The following KDM4C variants were observed in gnomAD, a reference collection of about 807,000 sequenced individuals.
The protein encoded by KDM4C is lysine demethylase 4C, also known as lysine-specific demethylase 4C.
In KDM4C, 81 loss-of-function variants were observed where a neutral mutation model predicts 129.3. That is an observed-to-expected ratio of 0.63 (90% CI 0.52 to 0.75). The LOEUF is 0.75. Among genes scored for constraint, KDM4C ranks in the 30% least tolerant of loss-of-function variants. The pLI is 0.00. For synonymous variants in KDM4C, 573 were observed against 456.1 expected (o/e 1.26, Z -3.26); for missense variants, 1,457 against 1,304.0 (o/e 1.12, Z -1.81).
chr9:7,008,051 T>C (rs1335393692), intron 12 of KDM4C, among the ~76,000 whole-genome samples: 4 of 151,918 alleles, frequency 2.6e-5, no homozygotes, highest in Middle Eastern at 3.4e-3. Flanking sequence ...AGCACAGACA[T>C]GAAAAAAGAT....
chr9:6,843,716 C>T lies in KDM4C; in HGVS notation c.436-5791C>T, dbSNP rs75481768. The stretch of plus-strand genomic sequence containing the variant: ...TGCAGCATGGTGCTATTCTGATACT[C>T]GGTTACTCTTTCAGATTGAAATTCT... On this transcript the variant is annotated intron_variant, in intron 4 of 21. Coordinates refer to ENST00000381309, the MANE Select transcript of KDM4C (RefSeq NM_015061.6). 6.9e-3 allele frequency among the ~76,000 whole-genome samples: 1,053 copies of T among 152,274 alleles called. 35 individuals are homozygous for T. The East Asian group carries it at 0.12, about 17-fold the overall frequency.
intron 8 of KDM4C, chr9:6,978,631 C>G (rs1160874194): frequency 1.3e-5 from 2 of 152,238 alleles, no homozygotes; most frequent in East Asian, 3.8e-4. Flanking sequence ...TCAGTTCAGG[C>G]TGGCAGCATT....
At chr9:7,001,381 C>T (rs976949039) in intron 12 of KDM4C, among the ~76,000 whole-genome samples, 1 of 152,100 alleles carries the variant, frequency 6.6e-6, no homozygotes, top group African/African-American at 2.4e-5. Flanking sequence ...GAGGAGTAAA[C>T]TTGATAATGC....
intron 16 of KDM4C, among the ~76,000 whole-genome samples, chr9:7,047,614 G>A (rs960566057): frequency 3.3e-5 from 5 of 151,928 alleles, no homozygotes; most frequent in African/African-American, 1.2e-4. Context: ...TAACCTGGGC[G>A]GATTTTGCAG....
At chr9:6,885,512 C>G (rs912172983) in intron 6 of KDM4C, among the ~76,000 whole-genome samples, 19 of 151,690 alleles carry the variant, frequency 1.3e-4, no homozygotes, top group African/African-American at 3.9e-4. Context: ...GGAATACAAG[C>G]TTTTTATTAT....
Position 6,824,878 on chromosome 9 carries a change from T to A in KDM4C, c.435+10133T>A, listed in dbSNP as rs570804721. The stretch of plus-strand genomic sequence containing the variant: ...GAAGATTGTGGCCAGGTACGGTGGC[T>A]CACACCCATAATCCCAGCACTTGGG... On this transcript the variant is annotated intron_variant, in intron 4 of 21. Coordinates refer to ENST00000381309, the MANE Select transcript of KDM4C (RefSeq NM_015061.6). Among the ~76,000 whole-genome samples the A allele has an allele frequency of 5.9e-5, 9 of 152,156 alleles. No homozygotes were observed. The South Asian group carries it at 1.2e-3, about 21-fold the overall frequency.
chr9:6,949,020 G>A (rs902302088), intron 8 of KDM4C, among the ~76,000 whole-genome samples: 2 of 152,130 alleles, frequency 1.3e-5, no homozygotes, highest in Non-Finnish European at 2.9e-5. Context: ...ACGGGGTGGC[G>A]GCCGGGCAGA....
intron 18 of KDM4C, among the ~76,000 whole-genome samples, chr9:7,126,369 C>T (rs1410497699): frequency 6.6e-6 from 1 of 152,102 alleles, no homozygotes; most frequent in Admixed American, 6.6e-5. Flanking sequence ...GTTAGTTTTT[C>T]TAGTCTAAAA....
chr9:6,888,913 A>G lies in KDM4C; in HGVS notation c.783+850A>G, dbSNP rs1399374151. ...CGCCATTCTCCTGCCTCAGCCTCCC[A>G]AGTAGCTGGGACTACAGGCGCCCGC... On this transcript the variant is annotated intron_variant, in intron 7 of 21. Transcript: ENST00000381309. Among the ~76,000 whole-genome samples, 51 of 79,948 alleles carry G rather than the reference A, an allele frequency of 6.4e-4. 16 individuals are homozygous for G. The highest frequency in any genetic ancestry group is 9.1e-4 in the East Asian group (3 of 3,294). The allele number at this position is 79,948 out of a possible 152,430, so 52.4% of individuals were successfully genotyped here. A position where few individuals can be genotyped will look rare whatever the true frequency, so the allele number is the denominator to read the frequency against.
Position 6,830,848 on chromosome 9 carries a change from T to C in KDM4C, c.435+16103T>C, listed in dbSNP as rs957380363. On this transcript the variant is annotated intron_variant, in intron 4 of 21. Coordinates refer to ENST00000381309, the MANE Select transcript of KDM4C (RefSeq NM_015061.6). ...GAGTGTGTTAAATCTGACATTGCTTTAAGAAATAGCAGCTGTAGAGAAAAT... is the reference window on the plus strand; with the variant it reads ...GAGTGTGTTAAATCTGACATTGCTTCAAGAAATAGCAGCTGTAGAGAAAAT... Among the ~76,000 whole-genome samples the C allele has an allele frequency of 2.9e-4, 44 of 152,284 alleles. 1 individual carries two copies. The highest frequency in any genetic ancestry group is 1.0e-3 in the African/African-American group (42 of 41,544).
chr9:6,746,424 A>G (rs1433795498), intron 1 of KDM4C, among the ~76,000 whole-genome samples: 5 of 149,014 alleles, frequency 3.4e-5, no homozygotes, highest in Non-Finnish European at 5.9e-5. Flanking sequence ...GCTCGCCACA[A>G]CGCCCGGCTA....
rs1392823938 is a variant in KDM4C, at chr9:6,980,933, C to T, written c.930C>T (p.Cys310=). ...ACCCGGTTGTGTTTCAGTGCACTTG[C>T]AGGAAAGACATGGTGAAGATTTCAA... ...DYGKVAKLCT[C]RKDMVKISMD... is the part of the protein sequence containing the mutation. Residue 310 remains cysteine, a synonymous_variant, in exon 9 of 22, where the codon TGC becomes TGT. Transcript: ENST00000381309. 3 of 1,613,296 alleles carry T rather than the reference C, an allele frequency of 1.9e-6. No individual in the cohort carries two copies. The highest frequency in any genetic ancestry group is 1.3e-5 in the African/African-American group (1 of 74,816).
At chr9:6,809,313 T>G (rs1830722092) in intron 3 of KDM4C, among the ~76,000 whole-genome samples, 1 of 152,232 alleles carries the variant, frequency 6.6e-6, no homozygotes, top group South Asian at 2.1e-4. Flanking sequence ...CTTTTATAAG[T>G]GCAATGCTGT....
At chr9:6,941,061 T>C (rs1175725023) in intron 8 of KDM4C, among the ~76,000 whole-genome samples, 1 of 151,694 alleles carries the variant, frequency 6.6e-6, no homozygotes, top group African/African-American at 2.4e-5. Flanking sequence ...GAGAAAGTCT[T>C]GCCGTGTCAT....
chr9:6,945,393 G>C (rs1185662211), intron 8 of KDM4C, among the ~76,000 whole-genome samples: 2 of 152,166 alleles, frequency 1.3e-5, no homozygotes, highest in African/African-American at 4.8e-5. Flanking sequence ...CATAAATTCA[G>C]AGCAATTTGT....
In KDM4C at chr9:7,132,592, A is replaced by G. The variant is rs541719282; in HGVS notation, c.2781+4356A>G. Among the ~76,000 whole-genome samples the G allele has an allele frequency of 2.7e-3, 412 of 152,322 alleles. 4 individuals are homozygous for G. The highest frequency in any genetic ancestry group is 9.4e-3 in the African/African-American group (390 of 41,570). On this transcript the variant is annotated intron_variant, in intron 19 of 21. Transcript: ENST00000381309. ...AAAAGGTGTATTATTACACACCTCC[A>G]TCTGTCAGTCTATGAAATTGGGACA...
intron 8 of KDM4C, among the ~76,000 whole-genome samples, chr9:6,979,654 C>T (rs560914756): frequency 1.2e-4 from 19 of 152,106 alleles, no homozygotes; most frequent in Middle Eastern, 3.4e-3. Context: ...TTGGGGGAGA[C>T]GAAAGTAACA....
At chr9:6,958,498 A>C (rs559569336) in intron 8 of KDM4C, among the ~76,000 whole-genome samples, 419 of 152,008 alleles carry the variant, frequency 2.8e-3, no homozygotes, top group Non-Finnish European at 4.5e-3. Context: ...GAGGCAGGAT[A>C]ATTGCTCCAA....
chr9:6,896,259 C>T (rs1201484660), intron 8 of KDM4C, among the ~76,000 whole-genome samples: 1 of 152,162 alleles, frequency 6.6e-6, no homozygotes, highest in African/African-American at 2.4e-5. Flanking sequence ...TGATTATGAA[C>T]AATACTTTTA....
Sources: gnomAD v4.1 joint callset for allele counts (sites outside exome capture counted in the v4.1 genomes callset) on GRCh38, gnomAD v4.1.1 for gene constraint, MANE v1.5 for transcripts, NCBI Gene and HGNC (gene_info 2026-07-23, HGNC 2026-07-21) for gene names.